STPG2: variants seen among roughly 807,000 people sequenced by gnomAD.
STPG2 encodes sperm-tail PG-rich repeat-containing protein 2.
Under a neutral mutation model 54.2 loss-of-function variants are expected in STPG2, and 56 were observed. That is an observed-to-expected ratio of 1.03 (90% confidence interval 0.83 to 1.29). The LOEUF (loss-of-function observed/expected upper bound fraction) is 1.29, where lower values mean the gene tolerates loss of function less well. STPG2 is among the 50% of genes most tolerant of loss of function. The pLI, the probability that STPG2 is intolerant of heterozygous loss-of-function variation, is 0.00. For synonymous variants in STPG2, 200 were observed against 181.8 expected, an observed-to-expected ratio of 1.10 and a Z score of -0.81; for missense variants, 596 against 544.9, an observed-to-expected ratio of 1.09 and a Z score of -0.93.
intron 3 of STPG2, among the ~76,000 whole-genome samples, chr4:98,123,641 T>C (rs1029071776): frequency 1.3e-5 from 2 of 152,204 alleles, no homozygotes; most frequent in African/African-American, 4.8e-5. Context: ...TGCCATGTAG[T>C]GCCGAGAAGA....
At chr4:98,065,778 G>A (rs991809109) in intron 5 of STPG2, among the ~76,000 whole-genome samples, 6 of 151,960 alleles carry the variant, frequency 3.9e-5, no homozygotes, top group South Asian at 2.1e-4. Context: ...TGACTTCTTC[G>A]GGTCCTGAAA....
At chr4:98,114,647 T>C in intron 3 of STPG2, among the ~76,000 whole-genome samples, 1 of 152,034 alleles carries the variant, frequency 6.6e-6, no homozygotes, top group Non-Finnish European at 1.5e-5. Flanking sequence ...TATTGAGATT[T>C]TATGATTCAA....
chr4:97,772,306 TATCA>T (rs1726245748), intron 9 of STPG2, among the ~76,000 whole-genome samples: 1 of 152,146 alleles, frequency 6.6e-6, no homozygotes, highest in South Asian at 2.1e-4. Context: ...GTTGAAATCG[TATCA>T]ATCAAAATTT....
At chr4:98,021,358 G>C (rs527329870) in intron 5 of STPG2, among the ~76,000 whole-genome samples, 1 of 141,764 alleles carries the variant, frequency 7.1e-6, no homozygotes, top group African/African-American at 2.7e-5. Flanking sequence ...CTGAGTTCTA[G>C]TTTGATTGCA....
At chr4:98,020,647 C>T (rs2149290672) in intron 5 of STPG2, among the ~76,000 whole-genome samples, 1 of 152,234 alleles carries the variant, frequency 6.6e-6, no homozygotes, top group South Asian at 2.1e-4. Flanking sequence ...CCATCTGGTC[C>T]TGGACTCTTT....
intron 9 of STPG2, among the ~76,000 whole-genome samples, chr4:97,790,661 G>A (rs752679755): frequency 6.6e-6 from 1 of 152,118 alleles, no homozygotes; most frequent in Admixed American, 6.6e-5. Flanking sequence ...TCAAGGAAAG[G>A]TCAAGCTTCT....
intron 5 of STPG2, among the ~76,000 whole-genome samples, chr4:97,991,686 T>C (rs1735022662): frequency 6.6e-6 from 1 of 152,172 alleles, no homozygotes; most frequent in South Asian, 2.1e-4. Context: ...CCACACTGTT[T>C]TCCATAGTGG....
At chr4:98,137,401 T>C (rs976558172) in intron 1 of STPG2, among the ~76,000 whole-genome samples, 4 of 151,892 alleles carry the variant, frequency 2.6e-5, no homozygotes, top group African/African-American at 9.7e-5. Flanking sequence ...AAGAAAATTT[T>C]GGCAATGTTC....
chr4:97,952,077 C>A (rs1158808683), intron 7 of STPG2, among the ~76,000 whole-genome samples: 1 of 152,122 alleles, frequency 6.6e-6, no homozygotes, highest in Admixed American at 6.5e-5. Flanking sequence ...ATCAGACAGG[C>A]ACCTATTTTC....
At chr4:97,908,511 C>A (rs1000771727) in intron 8 of STPG2, among the ~76,000 whole-genome samples, 8 of 151,784 alleles carry the variant, frequency 5.3e-5, no homozygotes, top group Non-Finnish European at 1.0e-4. Context: ...CATCCCATTA[C>A]TGGGTATATA....
At chr4:97,606,523 C>A (rs968136930) in intron 10 of STPG2, among the ~76,000 whole-genome samples, 7 of 151,978 alleles carry the variant, frequency 4.6e-5, no homozygotes, top group African/African-American at 1.4e-4. Context: ...CATATAAATT[C>A]TGTGTACATT....
At chr4:97,771,640 T>G (rs1170193111) in intron 9 of STPG2, among the ~76,000 whole-genome samples, 1 of 152,040 alleles carries the variant, frequency 6.6e-6, no homozygotes. Context: ...ACATTGCCCA[T>G]GAGGTGAGCC....
At chr4:97,658,147 A>G (rs780679328) in intron 10 of STPG2, among the ~76,000 whole-genome samples, 26 of 152,224 alleles carry the variant, frequency 1.7e-4, no homozygotes, top group Non-Finnish European at 3.4e-4. Flanking sequence ...TTAGAGTGTC[A>G]ATATTTCAAG....
At chr4:97,990,193 T>A (rs1374076969) in intron 5 of STPG2, among the ~76,000 whole-genome samples, 6 of 152,186 alleles carry the variant, frequency 3.9e-5, no homozygotes, top group Non-Finnish European at 7.3e-5. Context: ...AATACTTCCT[T>A]TTTCTTTTCT....
chr4:97,649,601 G>T (rs1247139061), intron 10 of STPG2, among the ~76,000 whole-genome samples: 1 of 152,152 alleles, frequency 6.6e-6, no homozygotes, highest in Admixed American at 6.6e-5. Flanking sequence ...CCAATGGGGA[G>T]TGAAGAAGCT....
At chr4:97,925,073 T>A (rs546420486) in intron 8 of STPG2, among the ~76,000 whole-genome samples, 2 of 152,190 alleles carry the variant, frequency 1.3e-5, no homozygotes, top group African/African-American at 4.8e-5. Context: ...AACCAAAGAG[T>A]AAAGATAAAA....
intron 6 of STPG2, among the ~76,000 whole-genome samples, chr4:97,979,970 G>A (rs887833516): frequency 2.6e-5 from 4 of 151,912 alleles, no homozygotes; most frequent in Non-Finnish European, 2.9e-5. Flanking sequence ...TGATCCACCC[G>A]CCTCAGCCTC....
At chr4:97,820,669 C>A (rs766463073) in intron 9 of STPG2, among the ~76,000 whole-genome samples, 13 of 152,272 alleles carry the variant, frequency 8.5e-5, no homozygotes, top group Non-Finnish European at 1.8e-4. Context: ...CTGCAAGCTG[C>A]AGAAGCATGG....
At chr4:98,127,869 C>A (rs975183074) in intron 3 of STPG2, among the ~76,000 whole-genome samples, 1 of 152,150 alleles carries the variant, frequency 6.6e-6, no homozygotes, top group East Asian at 1.9e-4. Flanking sequence ...ATGATGTTTA[C>A]ATTCTCAGAT....
Sources: gnomAD v4.1 joint callset for allele counts (sites outside exome capture counted in the v4.1 genomes callset) on GRCh38, gnomAD v4.1.1 for gene constraint, MANE v1.5 for transcripts, NCBI Gene and HGNC (gene_info 2026-07-23, HGNC 2026-07-21) for gene names.